KIAA1217: variants seen among roughly 807,000 people sequenced by gnomAD.
KIAA1217 encodes the protein KIAA1217.
In KIAA1217, 88 loss-of-function variants were observed where a neutral mutation model predicts 163.9. The observed-to-expected ratio is 0.54, with a 90% confidence interval of 0.45 to 0.64. The LOEUF (loss-of-function observed/expected upper bound fraction) is 0.64, where lower values mean the gene tolerates loss of function less well. Among genes scored for constraint, KIAA1217 ranks in the 30% least tolerant of loss-of-function variants. The pLI, the probability that KIAA1217 is intolerant of heterozygous loss-of-function variation, is 0.00. For missense variants in KIAA1217, 2,372 were observed against 2,475.0 expected, an observed-to-expected ratio of 0.96 and a Z score of 0.88; for synonymous variants, 903 against 923.1, an observed-to-expected ratio of 0.98 and a Z score of 0.39.
At chr10:24,495,063 A>G in intron 7 of KIAA1217, 84 bp from the exon 8 acceptor site, 1 of 1,159,488 alleles carries the variant, frequency 8.6e-7, no homozygotes, top group Non-Finnish European at 1.3e-6. Flanking sequence ...CAATTGCTTC[A>G]AATAGTGGAT....
At chr10:24,365,444 C>T (rs2050648970) in intron 2 of KIAA1217, among the ~76,000 whole-genome samples, 1 of 151,910 alleles carries the variant, frequency 6.6e-6, no homozygotes, top group Non-Finnish European at 1.5e-5. Context: ...AATCTATCAT[C>T]CTGTTTTTAT....
chr10:24,225,735 A>G (rs1327977951), intron 2 of KIAA1217, among the ~76,000 whole-genome samples: 1 of 152,240 alleles, frequency 6.6e-6, no homozygotes, highest in African/African-American at 2.4e-5. Context: ...ATAACATTGC[A>G]GTACTGCAGT....
intron 2 of KIAA1217, among the ~76,000 whole-genome samples, chr10:24,324,410 T>C (rs2044592601): frequency 6.6e-6 from 1 of 151,840 alleles, no homozygotes; most frequent in Non-Finnish European, 1.5e-5. Context: ...CCACTAAAAA[T>C]ACAAAAATTA....
At chr10:23,758,063 A>G (rs900637978) in intron 1 of KIAA1217, among the ~76,000 whole-genome samples, 1 of 152,176 alleles carries the variant, frequency 6.6e-6, no homozygotes, top group Non-Finnish European at 1.5e-5. Flanking sequence ...ATTTTGATGG[A>G]ATCCAATTTG....
At chr10:24,301,425 G>A (rs1192883386) in intron 2 of KIAA1217, among the ~76,000 whole-genome samples, 1 of 152,146 alleles carries the variant, frequency 6.6e-6, no homozygotes, top group Non-Finnish European at 1.5e-5. Flanking sequence ...ACTTCAAGCT[G>A]AAGGTTTTCA....
intron 1 of KIAA1217, among the ~76,000 whole-genome samples, chr10:23,704,894 G>A (rs764074869): frequency 6.6e-6 from 1 of 152,102 alleles, no homozygotes; most frequent in East Asian, 1.9e-4. Context: ...GGTTTCCAGA[G>A]CAGCTGCATC....
At chr10:24,267,397 A>G (rs2076336760) in intron 2 of KIAA1217, among the ~76,000 whole-genome samples, 1 of 152,216 alleles carries the variant, frequency 6.6e-6, no homozygotes, top group Admixed American at 6.5e-5. Context: ...AGTTCTCCCA[A>G]GGTAAGGGAA....
intron 2 of KIAA1217, among the ~76,000 whole-genome samples, chr10:24,306,166 A>C (rs747119499): frequency 5.9e-5 from 9 of 152,174 alleles, no homozygotes; most frequent in Non-Finnish European, 1.2e-4. Flanking sequence ...TTCAGGCATT[A>C]ACAAATGGTG....
At chr10:23,940,422 T>G (rs1289915141) in intron 1 of KIAA1217, among the ~76,000 whole-genome samples, 1 of 124,672 alleles carries the variant, frequency 8.0e-6, no homozygotes, top group Admixed American at 1.2e-4. Context: ...ATTGCGCCGC[T>G]GAACTCCAGC....
chr10:24,047,338 A>T (rs1487373814), intron 2 of KIAA1217, among the ~76,000 whole-genome samples: 1 of 152,188 alleles, frequency 6.6e-6, no homozygotes, highest in Non-Finnish European at 1.5e-5. Flanking sequence ...TTCTCTTCTG[A>T]CACAGGCTCC....
chr10:24,473,741 A>G lies in KIAA1217; in HGVS notation c.1360A>G (p.Lys454Glu). 6.2e-7 allele frequency: 1 copy of G among 1,614,080 alleles called. No individual in the cohort carries two copies. Among genetic ancestry groups the G allele is most frequent in the South Asian group, 1.1e-5 (1 of 91,064 alleles). ...TATGGAACAATCACTGTACAGACAGAAATCAAGGAAATATCCGGATAGCCA... is the reference window on the plus strand; with the variant it reads ...TATGGAACAATCACTGTACAGACAGGAATCAAGGAAATATCCGGATAGCCA... Reference protein sequence around the residue: ...MHMEQSLYRQKSRKYPDSHLP... With the variant: ...MHMEQSLYRQESRKYPDSHLP... Residue 454 changes from lysine (K) to glutamate (E), a missense_variant, in exon 6 of 21, where the codon AAA becomes GAA. Physicochemically the swap from Lys to Glu is moderately conservative, Grantham distance 56. Around this residue, in one of 3 missense-constraint regions of KIAA1217, gnomAD observed 1,431 missense variants for 1,470.3 expected, o/e 0.97. Transcript: ENST00000376454.
At chr10:23,848,697 C>G (rs1839162071) in intron 1 of KIAA1217, among the ~76,000 whole-genome samples, 1 of 152,018 alleles carries the variant, frequency 6.6e-6, no homozygotes, top group African/African-American at 2.4e-5. Context: ...CCCACATATC[C>G]AAGCATCTCC....
intron 2 of KIAA1217, among the ~76,000 whole-genome samples, chr10:24,099,120 A>G (rs1235936573): frequency 6.6e-6 from 1 of 152,124 alleles, no homozygotes; most frequent in Non-Finnish European, 1.5e-5. Context: ...CCCGGCTCCC[A>G]GGAAGAAGTT....
At chr10:24,018,656 C>CA (rs1405847966) in intron 2 of KIAA1217, among the ~76,000 whole-genome samples, 7 of 151,858 alleles carry the variant, frequency 4.6e-5, no homozygotes, top group African/African-American at 1.7e-4. Context: ...AGATATTCCT[C>CA]AAAAAACTAA....
intron 2 of KIAA1217, among the ~76,000 whole-genome samples, chr10:24,295,821 G>A (rs1263642541): frequency 1.3e-5 from 2 of 152,070 alleles, no homozygotes; most frequent in East Asian, 3.9e-4. Context: ...CTTCATCCCA[G>A]ACATGCTACC....
At chr10:24,076,421 C>T (rs181513784) in intron 2 of KIAA1217, among the ~76,000 whole-genome samples, 5 of 152,258 alleles carry the variant, frequency 3.3e-5, no homozygotes, top group Middle Eastern at 3.4e-3. Context: ...CCTTGGCATT[C>T]GTGGTCTGTG....
intron 2 of KIAA1217, among the ~76,000 whole-genome samples, chr10:24,159,112 G>T (rs1178232888): frequency 6.6e-6 from 1 of 152,148 alleles, no homozygotes; most frequent in Non-Finnish European, 1.5e-5. Context: ...GTCTTCATGA[G>T]AAGGTGGGGG....
rs143865667 is a variant in KIAA1217 at position 24,003,088 on chromosome 10, T to C, written c.-320-4137T>C. Among the ~76,000 whole-genome samples the C allele has an allele frequency of 4.2e-3, 638 of 152,352 alleles. 5 individuals carry two copies. The highest frequency in any genetic ancestry group is 0.014 in the African/African-American group (591 of 41,588). The stretch of plus-strand genomic sequence containing the variant: ...TTCTGGTGGTTCCACATCTCTACAA[T>C]TGTGAATTGTGCTGCTATAAACATG... On this transcript the variant is annotated intron_variant, in intron 1 of 18. Transcript: ENST00000376462.
chr10:24,181,386 G>A (rs1002333047), intron 2 of KIAA1217, among the ~76,000 whole-genome samples: 4 of 152,148 alleles, frequency 2.6e-5, no homozygotes, highest in Admixed American at 1.3e-4. Flanking sequence ...GCTCTGAGGT[G>A]GGAAAGAGCA....
Sources: allele counts gnomAD v4.1 joint callset (sites outside exome capture counted in the v4.1 genomes callset), GRCh38; gene constraint gnomAD v4.1.1; regional missense constraint gnomAD v4.1.1; transcripts MANE v1.5; gene names NCBI Gene and HGNC (gene_info 2026-07-23, HGNC 2026-07-21).